The following PPP4R2 variants were observed in gnomAD, a reference collection of about 807,000 sequenced individuals.
PPP4R2 encodes serine/threonine-protein phosphatase 4 regulatory subunit 2.
In PPP4R2, 13 loss-of-function variants were observed where a neutral mutation model predicts 47.2. The observed-to-expected ratio is 0.28, with a 90% CI of 0.18 to 0.44. PPP4R2 has a LOEUF of 0.44. PPP4R2 is among the 20% of genes least tolerant of loss of function. PPP4R2 has a pLI of 1.00. For missense variants in PPP4R2, 421 were observed against 491.2 expected (o/e 0.86, Z 1.35); for synonymous variants, 151 against 163.3 (o/e 0.92, Z 0.57).
At chr3:73,012,546 C>G (rs1324240469) in intron 2 of PPP4R2, among the ~76,000 whole-genome samples, 1 of 152,168 alleles carries the variant, frequency 6.6e-6, no homozygotes, top group Non-Finnish European at 1.5e-5. Context: ...CATGATCCAC[C>G]CACCTCTGCC....
At position 73,057,309 on chromosome 3, in the gene PPP4R2, G is replaced by A. The variant is rs548501745; in HGVS notation, c.288-1728G>A. Among the ~76,000 whole-genome samples, 656 of 152,170 alleles carry A rather than the reference G, an allele frequency of 4.3e-3. 3 individuals are homozygous for A. The highest frequency in any genetic ancestry group is 0.015 in the African/African-American group (624 of 41,548). On this transcript the variant is annotated intron_variant, in intron 3 of 8. Transcript: ENST00000356692. The stretch of plus-strand genomic sequence containing the variant: ...TAGGAATGAAACAAAAGATGTATAA[G>A]CTTATTGTTTCATACTTAGTAACGC...
intron 4 of PPP4R2, among the ~76,000 whole-genome samples, chr3:73,060,804 A>G (rs550823720): frequency 6.6e-6 from 1 of 152,256 alleles, no homozygotes; most frequent in South Asian, 2.1e-4. Context: ...TATAGGAAAA[A>G]AAAAATTAGT....
intron 5 of PPP4R2, chr3:73,062,029 G>C (rs1200130328): frequency 1.4e-5 from 18 of 1,301,630 alleles, no homozygotes; most frequent in Non-Finnish European, 1.9e-5. Flanking sequence ...ATGAACGTGA[G>C]GTATTTTGGA....
chr3:73,000,716 C>T (rs1056748442), intron 2 of PPP4R2, among the ~76,000 whole-genome samples: 8 of 151,952 alleles, frequency 5.3e-5, no homozygotes, highest in African/African-American at 1.5e-4. Context: ...ATAATTAATC[C>T]CCAGGTGAAT....
At chr3:73,054,900 T>TAA (rs1191564851) in intron 3 of PPP4R2, among the ~76,000 whole-genome samples, 1 of 152,188 alleles carries the variant, frequency 6.6e-6, no homozygotes, top group Non-Finnish European at 1.5e-5. Flanking sequence ...ATTTATCTTT[T>TAA]AAAAAATAGC....
At chr3:73,008,519 A>G (rs1043647148) in intron 2 of PPP4R2, among the ~76,000 whole-genome samples, 4 of 152,108 alleles carry the variant, frequency 2.6e-5, no homozygotes, top group Non-Finnish European at 5.9e-5. Flanking sequence ...TCCTAATTGC[A>G]TGTGAGTTAG....
chr3:73,068,739 A>G lies in PPP4R2; in HGVS notation c.*3017A>G, dbSNP rs926895033. ...TTGCATTTGTAAAATCAACTTTTCA[A>G]ATAATGTAAATGTAATATACTAGTT... On this transcript the variant is annotated 3_prime_UTR_variant, in exon 9 of 9. Coordinates refer to ENST00000356692, the MANE Select transcript of PPP4R2 (RefSeq NM_174907.4). 3 of 152,262 alleles carry G rather than the reference A, an allele frequency of 2.0e-5. No homozygotes were observed. Among genetic ancestry groups the G allele is most frequent in the African/African-American group, 7.2e-5 (3 of 41,468 alleles). 9.4% of individuals were successfully genotyped at this position (152,262 alleles called of 1,614,324 possible). A position where few individuals can be genotyped will look rare whatever the true frequency, so the allele number is the denominator to read the frequency against.
At chr3:73,017,774 T>TGGA (rs1381456404) in intron 2 of PPP4R2, among the ~76,000 whole-genome samples, 3 of 152,002 alleles carry the variant, frequency 2.0e-5, no homozygotes, top group Non-Finnish European at 4.4e-5. Flanking sequence ...TCGCCCAGGC[T>TGGA]GGAGTGTAGT....
chr3:73,028,166 A>G (rs531098770), intron 2 of PPP4R2, among the ~76,000 whole-genome samples: 1 of 150,522 alleles, frequency 6.6e-6, no homozygotes, highest in African/African-American at 2.4e-5. Flanking sequence ...CTGAGGCAGG[A>G]GAATAGCTTG....
intron 4 of PPP4R2, 149 bp from the exon 5 acceptor site, chr3:73,060,874 C>T: frequency 9.9e-6 from 5 of 504,742 alleles, no homozygotes; most frequent in South Asian, 3.0e-5. Flanking sequence ...GCTGTTTCAC[C>T]AGTTTTCATT....
chr3:73,002,629 C>CTTTTCTT (rs1306063768), intron 2 of PPP4R2, among the ~76,000 whole-genome samples: 1 of 83,002 alleles, frequency 1.2e-5, no homozygotes, highest in African/African-American at 5.5e-5. Context: ...CTTTTCTTTT[C>CTTTTCTT]TTTTCTTTTT....
chr3:72,997,424 G>T, intron 1 of PPP4R2: 1 of 207,130 alleles, frequency 4.8e-6, no homozygotes, highest in East Asian at 9.0e-5. Context: ...TACGCTAGGC[G>T]TTGGGGTGGG....
chr3:73,061,164 A>ATCACACTTAATTACAT, intron 5 of PPP4R2, 104 bp downstream of exon 5: 1 of 502,312 alleles, frequency 2.0e-6, no homozygotes, highest in Non-Finnish European at 3.3e-6. Flanking sequence ...TTTAATATGT[A>ATCACACTTAATTACAT]ATTAAGTGTG....
intron 2 of PPP4R2, among the ~76,000 whole-genome samples, chr3:73,005,000 G>C (rs1393700369): frequency 6.7e-6 from 1 of 148,478 alleles, no homozygotes; most frequent in Non-Finnish European, 1.5e-5. Flanking sequence ...TTTTGAGTCG[G>C]AGTCTTGCTC....
chr3:73,049,492 C>A (rs1000457545), intron 3 of PPP4R2, among the ~76,000 whole-genome samples: 1 of 149,672 alleles, frequency 6.7e-6, no homozygotes, highest in African/African-American at 2.5e-5. Flanking sequence ...GAGTGAGACT[C>A]CATCTCAAAA....
chr3:73,035,752 A>G (rs1702250234), intron 2 of PPP4R2, among the ~76,000 whole-genome samples: 4 of 152,030 alleles, frequency 2.6e-5, no homozygotes, highest in Non-Finnish European at 5.9e-5. Context: ...GGCCTCCCCA[A>G]GTAGCTGGGA....
intron 3 of PPP4R2, among the ~76,000 whole-genome samples, chr3:73,054,749 G>A (rs1347449219): frequency 6.6e-6 from 1 of 152,094 alleles, no homozygotes; most frequent in Non-Finnish European, 1.5e-5. Context: ...AGTTAAGGTA[G>A]TTAAACTGAT....
chr3:73,031,176 TG>T (rs1439739315), intron 2 of PPP4R2, among the ~76,000 whole-genome samples: 2 of 152,208 alleles, frequency 1.3e-5, no homozygotes, highest in African/African-American at 4.8e-5. Flanking sequence ...ACTATAAAAA[TG>T]TAGCTAAGGT....
intron 5 of PPP4R2, chr3:73,062,885 A>T (rs781471266): frequency 1.2e-6 from 2 of 1,611,302 alleles, no homozygotes; most frequent in Non-Finnish European, 1.7e-6. Flanking sequence ...TACACAAGCT[A>T]CGCAAGTCAA....
Sources: allele counts gnomAD v4.1 joint callset (sites outside exome capture counted in the v4.1 genomes callset), GRCh38; gene constraint gnomAD v4.1.1; transcripts MANE v1.5; gene names NCBI Gene and HGNC (gene_info 2026-07-23, HGNC 2026-07-21).